The following TENM3 variants were observed in gnomAD, a reference collection of about 807,000 sequenced individuals.
The protein encoded by TENM3 is teneurin transmembrane protein 3, also known as teneurin-3.
Under a neutral mutation model 255.1 loss-of-function variants are expected in TENM3, and 63 were observed. The observed-to-expected ratio is 0.25, with a 90% CI of 0.20 to 0.30. The LOEUF is 0.30. TENM3 is among the 10% of genes least tolerant of loss of function. The probability of loss-of-function intolerance (pLI) is 1.00; values close to 1 mark genes in which losing one functional copy is unlikely to be tolerated. For synonymous variants in TENM3, 1,306 were observed against 1,322.3 expected, an observed-to-expected ratio of 0.99 and a Z score of 0.27; for missense variants, 2,929 against 3,461.1, an observed-to-expected ratio of 0.85 and a Z score of 3.86.
At chr4:181,692,652 A>T in the TENM3 span, among the ~76,000 whole-genome samples, 7 of 152,152 alleles carry the variant, frequency 4.6e-5, no homozygotes, top group Non-Finnish European at 1.0e-4. Flanking sequence ...TTAGATGGAA[A>T]ATATTAATAG....
the TENM3 span, among the ~76,000 whole-genome samples, chr4:181,787,487 G>A: frequency 7.6e-4 from 116 of 152,030 alleles, no homozygotes; most frequent in Non-Finnish European, 1.3e-3. Context: ...ACAGGTGCAC[G>A]CCACCACGCC....
chr4:181,457,452 G>A, the TENM3 span, among the ~76,000 whole-genome samples: 20,141 of 151,092 alleles, frequency 0.13, 1,522 homozygotes, highest in East Asian at 0.28. Context: ...TTTTGTTTGG[G>A]GCTCTCTCGA....
chr4:182,631,150 C>T (rs1053210869), intron 5 of TENM3, among the ~76,000 whole-genome samples: 1 of 151,948 alleles, frequency 6.6e-6, no homozygotes, highest in African/African-American at 2.4e-5. Flanking sequence ...GGTCATAAAC[C>T]TTCCCTTTGC....
the TENM3 span, among the ~76,000 whole-genome samples, chr4:181,645,917 C>A: frequency 3.3e-5 from 5 of 152,220 alleles, no homozygotes; most frequent in Non-Finnish European, 5.9e-5. Flanking sequence ...AAAAAACCCA[C>A]CTAAATTTTC....
chr4:181,864,003 A>G, the TENM3 span, among the ~76,000 whole-genome samples: 3 of 152,020 alleles, frequency 2.0e-5, no homozygotes, highest in Non-Finnish European at 4.4e-5. Context: ...GATTTCAAGA[A>G]CTCTAACAAG....
chr4:181,905,122 G>C, the TENM3 span, among the ~76,000 whole-genome samples: 1 of 152,180 alleles, frequency 6.6e-6, no homozygotes. Flanking sequence ...TTTATCAACA[G>C]TGTGAAAACG....
intron 27 of TENM3, among the ~76,000 whole-genome samples, chr4:182,798,038 T>A (rs4862096): frequency 0.25 from 38,613 of 151,582 alleles, 5,883 homozygotes; most frequent in African/African-American, 0.43. Flanking sequence ...TCATATATAT[T>A]TTTTTTTAAT....
chr4:182,453,757 C>T (rs577239640), intron 3 of TENM3, among the ~76,000 whole-genome samples: 1 of 152,100 alleles, frequency 6.6e-6, no homozygotes, highest in Admixed American at 6.5e-5. Flanking sequence ...TAATCTGGAT[C>T]TCTTTTTATG....
chr4:181,855,086 T>C, the TENM3 span, among the ~76,000 whole-genome samples: 1 of 152,184 alleles, frequency 6.6e-6, no homozygotes, highest in Non-Finnish European at 1.5e-5. Flanking sequence ...CTGTTCTGTT[T>C]TGTGAAATAA....
the TENM3 span, among the ~76,000 whole-genome samples, chr4:182,028,567 T>C: frequency 7.8e-4 from 119 of 152,286 alleles, no homozygotes; most frequent in African/African-American, 2.5e-3. Context: ...TCTTCTTTTT[T>C]GATGTAGGCA....
At chr4:181,745,099 T>C in the TENM3 span, among the ~76,000 whole-genome samples, 1 of 152,174 alleles carries the variant, frequency 6.6e-6, no homozygotes, top group Non-Finnish European at 1.5e-5. Flanking sequence ...ATCGAGGGTT[T>C]AAACATGGAC....
chr4:182,798,579 A>G (rs1054353143), intron 27 of TENM3, among the ~76,000 whole-genome samples: 1 of 152,254 alleles, frequency 6.6e-6, no homozygotes, highest in South Asian at 2.1e-4. Flanking sequence ...GACTGTCTAC[A>G]CTGATACAGT....
At chr4:182,431,077 T>G (rs189055435) in intron 3 of TENM3, among the ~76,000 whole-genome samples, 59 of 151,884 alleles carry the variant, frequency 3.9e-4, no homozygotes, top group African/African-American at 1.4e-3. Context: ...CTGACTTTGG[T>G]AGCATGGAAA....
the TENM3 span, among the ~76,000 whole-genome samples, chr4:181,476,574 T>C: frequency 6.6e-5 from 10 of 152,140 alleles, no homozygotes; most frequent in Non-Finnish European, 8.8e-5. Flanking sequence ...GAAAACAGCA[T>C]TAATTTTCCC....
At chr4:182,261,805 G>A (rs111292289) in intron 1 of TENM3, among the ~76,000 whole-genome samples, 3,322 of 152,192 alleles carry the variant, frequency 0.022, 69 homozygotes, top group South Asian at 0.03. Context: ...TACATATTAC[G>A]TCGTCTATGC....
At chr4:181,833,627 G>A in the TENM3 span, among the ~76,000 whole-genome samples, 1 of 152,074 alleles carries the variant, frequency 6.6e-6, no homozygotes, top group African/African-American at 2.4e-5. Flanking sequence ...ACCTTTAACT[G>A]AGGGGGAGAA....
chr4:182,349,460 G>A (rs927288558), intron 3 of TENM3, among the ~76,000 whole-genome samples: 1 of 152,138 alleles, frequency 6.6e-6, no homozygotes, highest in African/African-American at 2.4e-5. Flanking sequence ...ATATAGGGAA[G>A]CATAATTTTC....
the TENM3 span, among the ~76,000 whole-genome samples, chr4:181,467,979 C>T: frequency 6.6e-6 from 1 of 151,860 alleles, no homozygotes; most frequent in Admixed American, 6.6e-5. Context: ...AGTGATATCG[C>T]CACAGTACTA....
At chr4:181,499,157 A>G in the TENM3 span, among the ~76,000 whole-genome samples, 4 of 152,308 alleles carry the variant, frequency 2.6e-5, no homozygotes, top group African/African-American at 9.6e-5. Flanking sequence ...TTCTAACTCC[A>G]TGATTCTATT....
Sources: allele counts gnomAD v4.1 joint callset (sites outside exome capture counted in the v4.1 genomes callset), GRCh38; gene constraint gnomAD v4.1.1; transcripts MANE v1.5; gene names NCBI Gene and HGNC (gene_info 2026-07-23, HGNC 2026-07-21).